The following NCOR1 variants were observed in gnomAD, a reference collection of about 807,000 sequenced individuals.
NCOR1 encodes protein phosphatase 1, regulatory subunit 109.
A neutral mutation model predicts 288.1 loss-of-function variants in NCOR1; 63 were observed. That is an observed-to-expected ratio of 0.22 (90% CI 0.18 to 0.27). NCOR1 has a LOEUF of 0.27. Among genes scored for constraint, NCOR1 ranks in the 10% least tolerant of loss-of-function variants. NCOR1 has a pLI of 1.00. For missense variants in NCOR1, 2,397 were observed against 3,019.2 expected (o/e 0.79, Z 4.83); for synonymous variants, 1,007 against 1,065.9 (o/e 0.94, Z 1.08).
intron 3 of NCOR1, among the ~76,000 whole-genome samples, chr17:16,174,769 T>C (rs751650874): frequency 2.6e-5 from 4 of 152,206 alleles, no homozygotes; most frequent in Non-Finnish European, 4.4e-5. Flanking sequence ...CCAATTTAAA[T>C]TAATGTATTT....
In NCOR1 at chr17:16,145,707, C is replaced by A. The variant is rs919998066; in HGVS notation, c.1082+669G>T. On this transcript the variant is annotated intron_variant, in intron 10 of 45. Coordinates refer to ENST00000268712, the MANE Select transcript of NCOR1 (RefSeq NM_006311.4). ...CCCCCGCCCAGCCAGCCGCCCAGTC[C>A]GGGAGGTGGGGGGCAGCCCCTGCCC... 3.3e-5 allele frequency among the ~76,000 whole-genome samples: 5 copies of A among 151,878 alleles called. No individual in the cohort carries two copies. In the East Asian group the frequency reaches 9.7e-4, roughly 30 times the overall value.
chr17:16,160,992 C>T (rs1023315127), intron 5 of NCOR1, among the ~76,000 whole-genome samples: 5 of 152,042 alleles, frequency 3.3e-5, no homozygotes, highest in African/African-American at 1.2e-4. Context: ...AACACTTCCA[C>T]TTTGGAATTA....
intron 42 of NCOR1, chr17:16,044,319 T>G (rs1228285680): frequency 2.2e-6 from 1 of 459,066 alleles, no homozygotes; most frequent in Non-Finnish European, 4.5e-6. Flanking sequence ...GAAACAGTGG[T>G]GACACTGGCT....
intron 4 of NCOR1, among the ~76,000 whole-genome samples, chr17:16,167,676 A>T (rs1416646754): frequency 6.6e-6 from 1 of 151,946 alleles, no homozygotes; most frequent in Non-Finnish European, 1.5e-5. Flanking sequence ...CCTGGCCAAC[A>T]TGGTAAAACC....
intron 26 of NCOR1, among the ~76,000 whole-genome samples, chr17:16,079,610 CA>C (rs2063083335): frequency 6.6e-6 from 1 of 151,848 alleles, no homozygotes; most frequent in Non-Finnish European, 1.5e-5. Context: ...TCCACCAGGG[CA>C]AAAGTAAGCA....
intron 40 of NCOR1, chr17:16,049,288 C>G (rs571086472): frequency 1.5e-5 from 3 of 194,494 alleles, no homozygotes; most frequent in Non-Finnish European, 3.1e-5. Flanking sequence ...CTTGAGGCTC[C>G]GCATGTCCTT....
chr17:16,179,738 G>A (rs549827031), intron 3 of NCOR1, among the ~76,000 whole-genome samples: 7 of 152,136 alleles, frequency 4.6e-5, no homozygotes, highest in East Asian at 1.9e-4. Flanking sequence ...AATAAAGGCC[G>A]GGCGTGGTGG....
At chr17:16,033,301 C>T (rs1430258261) in intron 45 of NCOR1, among the ~76,000 whole-genome samples, 1 of 144,234 alleles carries the variant, frequency 6.9e-6, no homozygotes, top group Non-Finnish European at 1.5e-5. Context: ...CACCATTGCA[C>T]TCCAGCCTGG....
At chr17:16,074,741 T>C (rs943597146) in intron 27 of NCOR1, among the ~76,000 whole-genome samples, 3 of 152,202 alleles carry the variant, frequency 2.0e-5, no homozygotes, top group Admixed American at 6.5e-5. Context: ...GTCATTCTTA[T>C]AAAATACTAC....
intron 4 of NCOR1, 45 bp from the exon 5 acceptor site, chr17:16,165,206 A>G (rs752705846): frequency 2.0e-6 from 3 of 1,510,504 alleles, no homozygotes; most frequent in East Asian, 2.3e-5. Flanking sequence ...TCTCACTAAT[A>G]GAGTCCAGAT....
intron 3 of NCOR1, among the ~76,000 whole-genome samples, chr17:16,176,327 G>A (rs1021750453): frequency 2.6e-5 from 4 of 152,134 alleles, no homozygotes; most frequent in African/African-American, 9.7e-5. Context: ...AGAGTACAGT[G>A]GTGCGATCTC....
At chr17:16,193,508 C>T (rs2089046781) in intron 2 of NCOR1, among the ~76,000 whole-genome samples, 1 of 152,158 alleles carries the variant, frequency 6.6e-6, no homozygotes, top group South Asian at 2.1e-4. Flanking sequence ...GCTGGGATTA[C>T]AGGCATGAGC....
rs575927723 is a variant in NCOR1, at chr17:16,052,925, G to A, written c.6393-3937C>T. Among the ~76,000 whole-genome samples, 39 of 152,252 alleles carry A rather than the reference G, an allele frequency of 2.6e-4. No individual in the cohort carries two copies. The South Asian group carries it at 6.8e-3, about 27-fold the overall frequency. On this transcript the variant is annotated intron_variant, in intron 40 of 45. Coordinates refer to ENST00000268712, the MANE Select transcript of NCOR1 (RefSeq NM_006311.4). ...ACAATCAAGTAGATGTTATCCCTAG[G>A]ATGCAAGGTTGGTTCAATATACACA... is the stretch of plus-strand genomic sequence containing the variant.
At chr17:16,129,712 G>A (rs1478982166) in intron 14 of NCOR1, among the ~76,000 whole-genome samples, 1 of 152,170 alleles carries the variant, frequency 6.6e-6, no homozygotes, top group Non-Finnish European at 1.5e-5. Context: ...GACAAATCAT[G>A]CCCTTTGCCT....
intron 22 of NCOR1, among the ~76,000 whole-genome samples, chr17:16,090,552 A>G (rs1369833623): frequency 6.6e-6 from 1 of 152,188 alleles, no homozygotes; most frequent in Non-Finnish European, 1.5e-5. Flanking sequence ...CAATTACAGA[A>G]CTAGCGATTA....
At chr17:16,185,789 A>T (rs2153523528) in intron 3 of NCOR1, among the ~76,000 whole-genome samples, 1 of 151,606 alleles carries the variant, frequency 6.6e-6, no homozygotes, top group South Asian at 2.1e-4. Context: ...AACATGGCGA[A>T]ATCCTATCTC....
Position 16,039,378 on chromosome 17 carries a change from T to C in NCOR1, c.6955+55A>G, listed in dbSNP as rs759513680. ...TAGTGATGCATCAGAATTTGGGAAA[T>C]AAACTGGCTTTTTTGGGGAAAAGCA... On this transcript the variant is annotated intron_variant, in intron 44 of 45. Transcript: ENST00000268712. 7 of 1,547,308 alleles carry C rather than the reference T, an allele frequency of 4.5e-6. No individual in the cohort carries two copies. The African/African-American group carries it at 8.2e-5, about 18-fold the overall frequency.
In NCOR1 at chr17:16,065,643, G is replaced by C. The variant is rs2061031723; in HGVS notation, c.4793C>G (p.Pro1598Arg). 6.2e-7 allele frequency: 1 copy of C among 1,614,054 alleles called. No individual in the cohort carries two copies. The highest frequency in any genetic ancestry group is 8.5e-7 in the Non-Finnish European group (1 of 1,180,046). Residue 1598 changes from proline to arginine, a missense_variant, in exon 33 of 46, where the codon CCA becomes CGA. By Grantham distance (103) the Pro-to-Arg change is moderately radical (BLOSUM62 -2). Around this residue, in one of 11 missense-constraint regions of NCOR1, gnomAD observed 1,872 missense variants for 2,187.8 expected, o/e 0.86. Transcript: ENST00000268712. ...CATTGCGTAAAGCTGATACTGACTT[G>C]GGTAACCTGGAGTTGGTGAAAGCTG... is the stretch of plus-strand genomic sequence containing the variant. ...QRQLSPTPGY[P>R]SQYQLYAMEN...
Position 16,070,236 on chromosome 17 carries a change from G to T in NCOR1, c.4442C>A (p.Ala1481Glu), listed in dbSNP as rs2061596197. 6.2e-7 allele frequency: 1 copy of T among 1,613,846 alleles called. No homozygotes were observed. The highest frequency in any genetic ancestry group is 8.5e-7 in the Non-Finnish European group (1 of 1,180,012). Residue 1481 changes from alanine to glutamate, a missense_variant, in exon 31 of 46, where the codon GCA becomes GAA. Physicochemically the swap from Ala to Glu is moderately radical, Grantham distance 107 (BLOSUM62 -1). Around this residue, in one of 11 missense-constraint regions of NCOR1, gnomAD observed 1,872 missense variants for 2,187.8 expected, o/e 0.86. Coordinates refer to ENST00000268712, the MANE Select transcript of NCOR1 (RefSeq NM_006311.4). Reference sequence around the variant, plus strand: ...TTGATAACTCACAGGGGTCCTCCGTGCACTGGTGTCATCATAAATCCCAGG... The same window carrying T: ...TTGATAACTCACAGGGGTCCTCCGTTCACTGGTGTCATCATAAATCCCAGG... ...LSPGIYDDTSARRTPVSYQNT... is the reference protein window; with the variant it reads ...LSPGIYDDTSERRTPVSYQNT...
Sources: gnomAD v4.1 joint callset for allele counts (sites outside exome capture counted in the v4.1 genomes callset) on GRCh38, gnomAD v4.1.1 for gene constraint, gnomAD v4.1.1 regional missense constraint, MANE v1.5 for transcripts, NCBI Gene and HGNC (gene_info 2026-07-23, HGNC 2026-07-21) for gene names.